PRKN: variants seen among roughly 807,000 people sequenced by gnomAD.
PRKN encodes the protein parkin RBR E3 ubiquitin protein ligase, also known as E3 ubiquitin-protein ligase parkin.
PRKN carries 56 observed loss-of-function variants against 59.5 expected under a neutral mutation model. That is an observed-to-expected ratio of 0.94 (90% CI 0.76 to 1.18). PRKN has a LOEUF of 1.18. PRKN is among the 50% of genes most tolerant of loss of function. The pLI, the probability that PRKN is intolerant of heterozygous loss-of-function variation, is 0.00. For synonymous variants in PRKN, 250 were observed against 222.1 expected, an observed-to-expected ratio of 1.13 and a Z score of -1.12; for missense variants, 657 against 596.4, an observed-to-expected ratio of 1.10 and a Z score of -1.06.
At chr6:162,515,722 C>G (rs748828059) in intron 1 of PRKN, among the ~76,000 whole-genome samples, 7 of 151,980 alleles carry the variant, frequency 4.6e-5, no homozygotes, top group Non-Finnish European at 1.0e-4. Context: ...TCCTATCCCC[C>G]ATCTCTAATT....
chr6:162,587,502 G>C (rs957663574), intron 1 of PRKN, among the ~76,000 whole-genome samples: 1 of 152,040 alleles, frequency 6.6e-6, no homozygotes, highest in Non-Finnish European at 1.5e-5. Context: ...CTCACTTCTT[G>C]ACCTGGTAGC....
intron 5 of PRKN, among the ~76,000 whole-genome samples, chr6:162,021,658 A>T (rs1002599960): frequency 2.0e-5 from 3 of 152,014 alleles, no homozygotes; most frequent in Non-Finnish European, 4.4e-5. Context: ...GCAGATTTTG[A>T]TTCCCTACTT....
chr6:162,430,863 T>A (rs1287561210), intron 2 of PRKN, among the ~76,000 whole-genome samples: 1 of 152,144 alleles, frequency 6.6e-6, no homozygotes, highest in African/African-American at 2.4e-5. Context: ...TGGATTATCG[T>A]CAAGTATCTG....
In PRKN at chr6:161,459,930, G is replaced by C. The variant is rs1419801226; in HGVS notation, c.1084-73053C>G. On this transcript the variant is annotated intron_variant, in intron 9 of 11. Transcript: ENST00000366898. This position sits in a 1 kb window ranked among gnomAD's most constrained non-coding sequence, Gnocchi z 4.8. The stretch of plus-strand genomic sequence containing the variant: ...ATTATTTTATTTAGATAAGAAAATG[G>C]CTGTTGATATTTTGTAAAAAAAAAA... Among the ~76,000 whole-genome samples, 1 of 151,872 alleles carries C rather than the reference G, an allele frequency of 6.6e-6. No homozygotes were observed. The highest frequency in any genetic ancestry group is 2.4e-5 in the African/African-American group (1 of 41,248).
intron 4 of PRKN, among the ~76,000 whole-genome samples, chr6:162,175,613 C>T (rs1157106893): frequency 6.6e-6 from 1 of 152,172 alleles, no homozygotes; most frequent in Non-Finnish European, 1.5e-5. Flanking sequence ...GGTTAGCACA[C>T]AGGTAACATA....
chr6:161,600,792 C>A (rs1782077669), intron 7 of PRKN, among the ~76,000 whole-genome samples: 1 of 152,040 alleles, frequency 6.6e-6, no homozygotes. Flanking sequence ...TCCCTTCCTC[C>A]CTGATTCCCC....
At position 161,582,314 on chromosome 6, in the gene PRKN, T is replaced by TA. The variant is rs1781366572; in HGVS notation, c.872-12899dup. On this transcript the variant is annotated intron_variant, in intron 7 of 11. Coordinates refer to ENST00000366898, the MANE Select transcript of PRKN (RefSeq NM_004562.3). The surrounding 1 kb of genome is among the most constrained non-coding windows in gnomAD (Gnocchi z 4.4). The stretch of plus-strand genomic sequence containing the variant: ...ACATTGAGATTACCTTGAAACAATT[T>TA]AGAGTCTCTAAAGTTGAAAGTTCTT... Among the ~76,000 whole-genome samples, 1 of 152,160 alleles carries TA rather than the reference T, an allele frequency of 6.6e-6. No individual in the cohort carries two copies. Among genetic ancestry groups the TA allele is most frequent in the Non-Finnish European group, 1.5e-5 (1 of 68,028 alleles).
chr6:162,005,078 T>C (rs1293147864), intron 5 of PRKN, among the ~76,000 whole-genome samples: 1 of 152,186 alleles, frequency 6.6e-6, no homozygotes, highest in Non-Finnish European at 1.5e-5. Flanking sequence ...GCTTTTGAAA[T>C]CTGAAGATAT....
chr6:162,172,276 G>A (rs1783317662), intron 4 of PRKN, among the ~76,000 whole-genome samples: 2 of 152,204 alleles, frequency 1.3e-5, no homozygotes, highest in Non-Finnish European at 2.9e-5. Context: ...GCTACCCAGG[G>A]ATGGGAGATG....
chr6:162,232,644 G>A (rs1220066798), intron 3 of PRKN, among the ~76,000 whole-genome samples: 1 of 152,064 alleles, frequency 6.6e-6, no homozygotes, highest in South Asian at 2.1e-4. Context: ...ATTAGCAAAA[G>A]GCTTTGTGTG....
intron 2 of PRKN, among the ~76,000 whole-genome samples, chr6:162,400,366 C>T (rs3921131): frequency 6.8e-6 from 1 of 147,088 alleles, no homozygotes; most frequent in Non-Finnish European, 1.5e-5. Flanking sequence ...GCAAAAGAAT[C>T]TTCTGGACAG....
In PRKN at chr6:161,462,542, C is replaced by G. The variant is rs78513922; in HGVS notation, c.1084-75665G>C. ...GTGTGTCTTTCTGGAAAAATATTCT[C>G]TGAAGTGAAATGACACCATGATGTC... On this transcript the variant is annotated intron_variant, in intron 9 of 11. Transcript: ENST00000366898. The surrounding 1 kb of genome is among the most constrained non-coding windows in gnomAD (Gnocchi z 4.5). 5.5e-3 allele frequency among the ~76,000 whole-genome samples: 831 copies of G among 152,236 alleles called. 8 individuals carry two copies. The highest frequency in any genetic ancestry group is 0.017 in the African/African-American group (718 of 41,544).
intron 1 of PRKN, among the ~76,000 whole-genome samples, chr6:162,623,199 T>C (rs1782748484): frequency 6.6e-6 from 1 of 152,206 alleles, no homozygotes; most frequent in Non-Finnish European, 1.5e-5. Context: ...GGTTTTATTT[T>C]TGAGAGAATA....
chr6:161,971,477 G>A (rs983753185), intron 6 of PRKN, among the ~76,000 whole-genome samples: 4 of 152,120 alleles, frequency 2.6e-5, no homozygotes, highest in African/African-American at 9.7e-5. Flanking sequence ...TCAAGCCCTC[G>A]CTTTTAGCAC....
chr6:162,121,207 T>C (rs1313868633), intron 4 of PRKN, among the ~76,000 whole-genome samples: 1 of 152,158 alleles, frequency 6.6e-6, no homozygotes, highest in Non-Finnish European at 1.5e-5. Context: ...CTAACTATAC[T>C]GACAACATGT....
chr6:161,757,761 C>G (rs1005122299), intron 7 of PRKN, among the ~76,000 whole-genome samples: 2 of 150,594 alleles, frequency 1.3e-5, no homozygotes, highest in African/African-American at 4.9e-5. Flanking sequence ...TCGCTTGAAC[C>G]CGGGATGCAG....
At position 162,163,208 on chromosome 6, in the gene PRKN, A is replaced by C. The variant is rs1423061237; in HGVS notation, c.534+37923T>G. Among the ~76,000 whole-genome samples, 6 of 148,968 alleles carry C rather than the reference A, an allele frequency of 4.0e-5. 1 individual carries two copies. Among genetic ancestry groups the C allele is most frequent in the Non-Finnish European group, 5.9e-5 (4 of 67,434 alleles). Reference sequence around the variant, plus strand: ...ATATGCCACGCTAGTTTCTGTATAGAATAGGTTATCAATTTTACGTCTGTG... The same window carrying C: ...ATATGCCACGCTAGTTTCTGTATAGCATAGGTTATCAATTTTACGTCTGTG... On this transcript the variant is annotated intron_variant, in intron 4 of 11. Transcript: ENST00000366898.
chr6:162,094,494 C>T (rs6930598), intron 4 of PRKN, among the ~76,000 whole-genome samples: 15,732 of 151,928 alleles, frequency 0.1, 994 homozygotes, highest in African/African-American at 0.17. Context: ...AGGAAATAAA[C>T]AAATAAAGTA....
At chr6:162,348,977 A>G (rs9356007) in intron 2 of PRKN, among the ~76,000 whole-genome samples, 3,913 of 152,298 alleles carry the variant, frequency 0.026, 70 homozygotes, top group East Asian at 0.11. Flanking sequence ...ATTATGGACA[A>G]TTTTATACCA....
Sources: allele counts gnomAD v4.1 joint callset (sites outside exome capture counted in the v4.1 genomes callset), GRCh38; gene constraint gnomAD v4.1.1; non-coding constraint Gnocchi (gnomAD v3.1); transcripts MANE v1.5; gene names NCBI Gene and HGNC (gene_info 2026-07-23, HGNC 2026-07-21).